Variants in TET1 observed in about 807,000 individuals in gnomAD.
TET1 encodes the protein methylcytosine dioxygenase TET1.
Under a neutral mutation model 148.7 loss-of-function variants are expected in TET1, and 13 were observed. The ratio of observed to expected loss-of-function variants is 0.09; its 90% CI spans 0.06 to 0.14. TET1 has a LOEUF of 0.14. Ranked by LOEUF, TET1 falls within the 10% of genes least tolerant of loss-of-function variation. The probability of loss-of-function intolerance (pLI) is 1.00; values close to 1 mark genes in which losing one functional copy is unlikely to be tolerated. For synonymous variants in TET1, 907 were observed against 937.2 expected, an observed-to-expected ratio of 0.97 and a Z score of 0.59; for missense variants, 2,182 against 2,553.8, an observed-to-expected ratio of 0.85 and a Z score of 3.14.
At chr10:68,673,935 C>CTTTTTTTTTTTTTTTTTTTT (rs11381293) in intron 8 of TET1, among the ~76,000 whole-genome samples, 2 of 120,284 alleles carry the variant, frequency 1.7e-5, no homozygotes, top group Admixed American at 9.1e-5. Flanking sequence ...CTTTCTTTTT[C>CTTTTTTTTTTTTTTTTTTTT]TTTTTTTTTT....
At chr10:68,623,389 T>TCATAAAATAAAAAATA (rs2054403915) in intron 3 of TET1, among the ~76,000 whole-genome samples, 1 of 152,176 alleles carries the variant, frequency 6.6e-6, no homozygotes, top group Non-Finnish European at 1.5e-5. Context: ...AATAGGACTG[T>TCATAAAATAAAAAATA]TGGATAGAAG....
intron 3 of TET1, among the ~76,000 whole-genome samples, chr10:68,602,008 T>C (rs2054061926): frequency 6.6e-6 from 1 of 152,228 alleles, no homozygotes; most frequent in East Asian, 1.9e-4. Flanking sequence ...TGCCCCAGTG[T>C]GTAACTTGAA....
chr10:68,687,136 G>GC (rs1316773098), intron 11 of TET1, among the ~76,000 whole-genome samples: 9 of 68,390 alleles, frequency 1.3e-4, no homozygotes, highest in African/African-American at 4.7e-4. Context: ...ATCCGCCCCC[G>GC]CCCCCCCGCC....
intron 1 of TET1, among the ~76,000 whole-genome samples, chr10:68,566,240 T>C (rs2664439): frequency 0.05 from 7,659 of 152,298 alleles, 226 homozygotes; most frequent in South Asian, 0.081. Context: ...CTCCTAATAA[T>C]TTTTTAGCAG....
chr10:68,676,204 GTA>G (rs1270221027), intron 8 of TET1, among the ~76,000 whole-genome samples: 2 of 95,346 alleles, frequency 2.1e-5, no homozygotes, highest in Admixed American at 1.3e-4. Context: ...AGATATATAT[GTA>G]TATATATACA....
chr10:68,570,830 T>C (rs1027898147), intron 1 of TET1, among the ~76,000 whole-genome samples: 2 of 151,294 alleles, frequency 1.3e-5, no homozygotes, highest in Non-Finnish European at 2.9e-5. Context: ...AGATGGGGTT[T>C]CACCGTGTTA....
At chr10:68,679,698 G>C (rs1173631622) in intron 8 of TET1, among the ~76,000 whole-genome samples, 1 of 152,120 alleles carries the variant, frequency 6.6e-6, no homozygotes, top group Non-Finnish European at 1.5e-5. Flanking sequence ...TTTTGAGACA[G>C]AGTCTGGCTC....
intron 7 of TET1, among the ~76,000 whole-genome samples, chr10:68,669,474 C>CTTTTTTTTTTTTTTTTTTTTTTTTTTTT (rs3085667): frequency 3.2e-5 from 2 of 61,616 alleles, no homozygotes; most frequent in Non-Finnish European, 5.8e-5. Flanking sequence ...CCATGCCCAG[C>CTTTTTTTTTTTTTTTTTTTTTTTTTTTT]TTTTTTTTTT....
At chr10:68,635,181 G>T (rs572450029) in intron 3 of TET1, among the ~76,000 whole-genome samples, 43 of 151,774 alleles carry the variant, frequency 2.8e-4, no homozygotes, top group African/African-American at 9.7e-4. Context: ...TTTCTCAAAT[G>T]TTGGAGGACA....
At chr10:68,604,382 G>T (rs1480888018) in intron 3 of TET1, among the ~76,000 whole-genome samples, 1 of 152,214 alleles carries the variant, frequency 6.6e-6, no homozygotes, top group East Asian at 1.9e-4. Context: ...GGAGGGTTAA[G>T]GAAAGAACTA....
rs72033179 is a variant in TET1, at chr10:68,575,386, AAAATAAAT to A, written c.1914+1162_1914+1169del. On this transcript the variant is annotated intron_variant, in intron 2 of 11. Transcript: ENST00000373644. The stretch of plus-strand genomic sequence containing the variant: ...GCCACAAAAGCGAAACTCTGTCTCA[AAAATAAAT>A]AAATAAATAAATAAATAAATAAATA... Among the ~76,000 whole-genome samples the A allele has an allele frequency of 5.3e-4, 79 of 148,822 alleles. No individual in the cohort carries two copies. In the South Asian group the frequency reaches 8.1e-3, roughly 15 times the overall value.
At chr10:68,681,087 C>T (rs2055429609) in intron 8 of TET1, among the ~76,000 whole-genome samples, 1 of 152,176 alleles carries the variant, frequency 6.6e-6, no homozygotes, top group South Asian at 2.1e-4. Context: ...TCCAAGTGTG[C>T]AATACTATTG....
chr10:68,610,893 C>A (rs1048119375), intron 3 of TET1, among the ~76,000 whole-genome samples: 5 of 152,114 alleles, frequency 3.3e-5, no homozygotes, highest in African/African-American at 1.2e-4. Context: ...TGGGCTCAAG[C>A]AAACCCAAAG....
intron 1 of TET1, among the ~76,000 whole-genome samples, chr10:68,571,225 G>T (rs1420970990): frequency 6.7e-6 from 1 of 150,052 alleles, no homozygotes; most frequent in Non-Finnish European, 1.5e-5. Flanking sequence ...TCTGATCTCA[G>T]GTGACCCACC....
At chr10:68,610,950 T>A (rs1564966835) in intron 3 of TET1, among the ~76,000 whole-genome samples, 1 of 152,210 alleles carries the variant, frequency 6.6e-6, no homozygotes, top group African/African-American at 2.4e-5. Context: ...AGTAATTTTT[T>A]AATAGTGATT....
At chr10:68,657,044 T>C (rs61868124) in intron 6 of TET1, among the ~76,000 whole-genome samples, 1 of 137,640 alleles carries the variant, frequency 7.3e-6, no homozygotes. Context: ...AAAAAAAATT[T>C]CCCATTTGGG....
chr10:68,651,553 A>G (rs1372525180), intron 4 of TET1, among the ~76,000 whole-genome samples: 4 of 150,654 alleles, frequency 2.7e-5, no homozygotes, highest in Non-Finnish European at 4.4e-5. Context: ...ATTAATACAG[A>G]TTTTTTTTTT....
chr10:68,671,213 A>G (rs550840085), intron 7 of TET1, among the ~76,000 whole-genome samples: 108 of 152,172 alleles, frequency 7.1e-4, no homozygotes, highest in Non-Finnish European at 1.4e-3. Flanking sequence ...CTCCATCCTC[A>G]AGTAGGCCCC....
chr10:68,624,658 T>TTCTTTCTTTCTCTC (rs1397280418), intron 3 of TET1, among the ~76,000 whole-genome samples: 1 of 95,198 alleles, frequency 1.1e-5, no homozygotes, highest in Non-Finnish European at 2.3e-5. Flanking sequence ...CTTTCTTTCT[T>TTCTTTCTTTCTCTC]TCTCTCTCTC....
Sources: gnomAD v4.1 joint callset for allele counts (sites outside exome capture counted in the v4.1 genomes callset) on GRCh38, gnomAD v4.1.1 for gene constraint, MANE v1.5 for transcripts, NCBI Gene and HGNC (gene_info 2026-07-23, HGNC 2026-07-21) for gene names.